PRG4: variants seen among roughly 807,000 people sequenced by gnomAD.
PRG4 encodes proteoglycan 4, also known as articular superficial zone protein.
Under a neutral mutation model 91.2 loss-of-function variants are expected in PRG4, and 61 were observed. The ratio of observed to expected loss-of-function variants is 0.67; its 90% CI spans 0.54 to 0.83. PRG4 has a LOEUF of 0.83. PRG4 is among the 40% of genes least tolerant of loss of function. The probability of loss-of-function intolerance (pLI) is 0.00; values close to 1 mark genes in which losing one functional copy is unlikely to be tolerated. For synonymous variants in PRG4, 576 were observed against 614.2 expected (o/e 0.94, Z 0.92); for missense variants, 1,564 against 1,714.2 (o/e 0.91, Z 1.55).
rs746583527 is a variant in PRG4 at position 186,310,657 on chromosome 1, A to ATTTTTTTTT, written c.3500-376_3500-368dup. Among the ~76,000 whole-genome samples the ATTTTTTTTT allele has an allele frequency of 1.5e-3, 208 of 135,834 alleles. 2 individuals are homozygous for ATTTTTTTTT. The highest frequency in any genetic ancestry group is 2.1e-3 in the Non-Finnish European group (135 of 64,098). 89.1% of individuals were successfully genotyped at this position (135,834 alleles called of 152,430 possible). ...ACCACCATGCCTGGCTAATTTTTGT[A>ATTTTTTTTT]TTTTTTTTTGTATTTTTTTTTTTTT... On this transcript the variant is annotated intron_variant, in intron 8 of 12. Coordinates refer to ENST00000445192, the MANE Select transcript of PRG4 (RefSeq NM_005807.6).
Position 186,300,205 on chromosome 1 carries a change from G to A in PRG4, c.191G>A (p.Cys64Tyr). ...TGCTGCCCTGATTTCAAGAGAGTCT[G>A]CACTGCGGGTAAGTCCTGAGAGCGG... ...MECCPDFKRV[C>Y]TAELSCKGRC... The change falls in exon 3 of 13, where the codon TGC (cysteine) becomes TAC (tyrosine). Residue 64 changes from cysteine to tyrosine, a missense_variant. Cys to Tyr is a radical substitution (Grantham distance 194). This residue lies in a region of PRG4 where 437 missense variants were observed against 459.0 expected (regional missense o/e 0.95). Coordinates refer to ENST00000445192, the MANE Select transcript of PRG4 (RefSeq NM_005807.6). 6.2e-7 allele frequency: 1 copy of A among 1,614,102 alleles called. No individual in the cohort carries two copies. The highest frequency in any genetic ancestry group is 8.5e-7 in the Non-Finnish European group (1 of 1,180,030).
In PRG4 at chr1:186,309,059, T is replaced by C; in HGVS notation, c.3340T>C (p.Phe1114Leu). ...TCATATGCTTCTCAGGCCCCATGTG[T>C]TCATGCCTGAAGTTACTCCCGACAT... ...TPHMLLRPHV[F>L]MPEVTPDMDY... The change falls in exon 7 of 13, where the codon TTC becomes CTC. Residue 1114 changes from phenylalanine (F) to leucine (L), a missense_variant. Phe to Leu is a conservative substitution (Grantham distance 22). Coordinates refer to ENST00000445192, the MANE Select transcript of PRG4 (RefSeq NM_005807.6). The C allele has an allele frequency of 6.2e-7, 1 of 1,613,996 alleles. No individual in the cohort carries two copies.
In PRG4 at chr1:186,314,138, T is replaced by G; in HGVS notation, c.*360T>G. On this transcript the variant is annotated 3_prime_UTR_variant, in exon 13 of 13. Coordinates refer to ENST00000445192, the MANE Select transcript of PRG4 (RefSeq NM_005807.6). ...TATCTAGGCATTGTGGATATAAAAC[T>G]GTTGGGTATTCTACAACTTCAATGG... The G allele has an allele frequency of 2.1e-6, 2 of 965,688 alleles. No individual in the cohort carries two copies. Among genetic ancestry groups the G allele is most frequent in the South Asian group, 3.3e-5 (2 of 61,364 alleles). 59.8% of individuals were successfully genotyped at this position (965,688 alleles called of 1,614,324 possible). A position where few individuals can be genotyped will look rare whatever the true frequency, so the allele number is the denominator to read the frequency against.
intron 1 of PRG4, 91 bp from the exon 2 acceptor site, chr1:186,296,755 A>G: frequency 1.4e-6 from 1 of 702,070 alleles, no homozygotes; most frequent in Non-Finnish European, 2.5e-6. Flanking sequence ...TTATTGTTAC[A>G]TTTTTAAAGT....
Position 186,308,986 on chromosome 1 carries a change from A to G in PRG4, c.3267A>G (p.Glu1089=). 11 of 1,609,060 alleles carry G rather than the reference A, an allele frequency of 6.8e-6. No individual in the cohort carries two copies. Among genetic ancestry groups the G allele is most frequent in the Non-Finnish European group, 9.3e-6 (11 of 1,177,358 alleles). ...AAACTCCAAACTCCAAACTAGTTGA[A>G]GTAAATCCAAAGAGTGAAGATGCAG... is the stretch of plus-strand genomic sequence containing the variant. ...PNQTPNSKLV[E]VNPKSEDAGG... is the part of the protein sequence containing the mutation. Residue 1089 remains glutamate (E), a synonymous_variant, in exon 7 of 13, where the codon GAA becomes GAG. Transcript: ENST00000445192.
In PRG4 at chr1:186,307,391, A is replaced by G. The variant is rs1216584695; in HGVS notation, c.1672A>G (p.Lys558Glu). The change falls in exon 7 of 13, where the codon AAG becomes GAG. Residue 558 changes from lysine to glutamate, a missense_variant. Lys to Glu is a moderately conservative substitution (Grantham distance 56). Coordinates refer to ENST00000445192, the MANE Select transcript of PRG4 (RefSeq NM_005807.6). ...TPKEPSPTTT[K>E]EPAPTTPKEP... ...CAAGGAGCCTTCACCCACCACCACC[A>G]AGGAGCCTGCACCCACCACTCCCAA... 3 of 1,575,326 alleles carry G rather than the reference A, an allele frequency of 1.9e-6. No homozygotes were observed. Among genetic ancestry groups the G allele is most frequent in the African/African-American group, 1.6e-5 (1 of 64,060 alleles).
In PRG4 at chr1:186,306,548, A is replaced by T. The variant is rs1656579861; in HGVS notation, c.829A>T (p.Thr277Ser). The T allele has an allele frequency of 6.2e-7, 1 of 1,613,172 alleles. No homozygotes were observed. Among genetic ancestry groups the T allele is most frequent in the African/African-American group, 1.3e-5 (1 of 74,874 alleles). ...TGATACATCTAAAGAGACGTCTTTG[A>T]CAGTGAATAAAGAGACAACAGTTGA... is the stretch of plus-strand genomic sequence containing the variant. ...NSDTSKETSL[T>S]VNKETTVETK... The change falls in exon 7 of 13, where the codon ACA becomes TCA. Residue 277 changes from threonine (T) to serine (S), a missense_variant. Coordinates refer to ENST00000445192, the MANE Select transcript of PRG4 (RefSeq NM_005807.6).
At chr1:186,300,758 G>A (rs1375842763) in intron 3 of PRG4, among the ~76,000 whole-genome samples, 1 of 152,186 alleles carries the variant, frequency 6.6e-6, no homozygotes, top group African/African-American at 2.4e-5. Context: ...AAATCTGAAG[G>A]TCTGAATTTT....
rs1402771789 is a variant in PRG4, at chr1:186,313,967, CCATT to C, written c.*190_*193del. ...ATTCACAGTTGTTATTGTTTACAGA[CCATT>C]TAATTAATATTTCCTCTGTTTATTC... On this transcript the variant is annotated 3_prime_UTR_variant, in exon 13 of 13. Coordinates refer to ENST00000445192, the MANE Select transcript of PRG4 (RefSeq NM_005807.6). 1 of 1,611,094 alleles carries C rather than the reference CCATT, an allele frequency of 6.2e-7. No individual in the cohort carries two copies. Among genetic ancestry groups the C allele is most frequent in the African/African-American group, 1.3e-5 (1 of 74,864 alleles).
At chr1:186,305,766 T>G (rs545085275) in intron 6 of PRG4, among the ~76,000 whole-genome samples, 4 of 150,626 alleles carry the variant, frequency 2.7e-5, no homozygotes, top group South Asian at 2.1e-4. Flanking sequence ...CACCCTAAGC[T>G]CCTCCTTATG....
chr1:186,304,722 G>A, intron 5 of PRG4, 72 bp from the exon 6 acceptor site: 1 of 1,533,288 alleles, frequency 6.5e-7, no homozygotes, highest in Middle Eastern at 1.8e-4. Flanking sequence ...ACTTCTTGCT[G>A]TGTTTAGACT....
In PRG4 at chr1:186,308,409, G is replaced by A; in HGVS notation, c.2690G>A (p.Gly897Asp). 6.2e-7 allele frequency: 1 copy of A among 1,613,868 alleles called. No homozygotes were observed. The highest frequency in any genetic ancestry group is 8.5e-7 in the Non-Finnish European group (1 of 1,180,022). ...KALENSPKEP[G>D]VPTTKTPAAT... ...CTTGAAAACAGTCCCAAGGAACCTG[G>A]TGTACCTACAACTAAGACTCCTGCA... is the stretch of plus-strand genomic sequence containing the variant. The change falls in exon 7 of 13, where the codon GGT becomes GAT. Residue 897 changes from glycine (G) to aspartate (D), a missense_variant. Coordinates refer to ENST00000445192, the MANE Select transcript of PRG4 (RefSeq NM_005807.6).
rs1656962665 is a variant in PRG4 at position 186,308,921 on chromosome 1, A to G, written c.3202A>G (p.Ile1068Val). 3 of 1,612,324 alleles carry G rather than the reference A, an allele frequency of 1.9e-6. No individual in the cohort carries two copies. Among genetic ancestry groups the G allele is most frequent in the Non-Finnish European group, 2.5e-6 (3 of 1,179,458 alleles). ...TMPELNPTSR[I>V]AEAMLQTTTR... is the part of the protein sequence containing the mutation. ...GCCAGAATTGAACCCTACCTCAAGAATAGCAGAAGCCATGCTCCAAACCAC... is the reference window on the plus strand; with the variant it reads ...GCCAGAATTGAACCCTACCTCAAGAGTAGCAGAAGCCATGCTCCAAACCAC... Residue 1068 changes from isoleucine (I) to valine (V), a missense_variant, in exon 7 of 13, where the codon ATA becomes GTA. Ile to Val is a conservative substitution (Grantham distance 29). Coordinates refer to ENST00000445192, the MANE Select transcript of PRG4 (RefSeq NM_005807.6).
chr1:186,306,323 G>T lies in PRG4; in HGVS notation c.604G>T (p.Asp202Tyr), dbSNP rs1315563931. Residue 202 changes from aspartate (D) to tyrosine (Y), a missense_variant, in exon 7 of 13, where the codon GAT becomes TAT. Physicochemically the swap from Asp to Tyr is radical, Grantham distance 160. Coordinates refer to ENST00000445192, the MANE Select transcript of PRG4 (RefSeq NM_005807.6). ...GATGTATATTTTTTCTCCAGTAAAA[G>T]ATAACAAGAAGAACAGAACTAAAAA... Reference protein sequence around the residue: ...RELQKKLKVKDNKKNRTKKKP... With the variant: ...RELQKKLKVKYNKKNRTKKKP... 1 of 1,582,234 alleles carries T rather than the reference G, an allele frequency of 6.3e-7. No homozygotes were observed. The highest frequency in any genetic ancestry group is 8.6e-7 in the Non-Finnish European group (1 of 1,167,544).
chr1:186,311,110 T>C lies in PRG4; in HGVS notation c.3576T>C (p.Pro1192=), dbSNP rs541755542. 5.6e-6 allele frequency: 9 copies of C among 1,613,084 alleles called. No homozygotes were observed. In the Admixed American group the frequency reaches 1.2e-4, roughly 21 times the overall value. The change falls in exon 9 of 13, where the codon CCT becomes CCC. Residue 1192 remains proline, a synonymous_variant. Coordinates refer to ENST00000445192, the MANE Select transcript of PRG4 (RefSeq NM_005807.6). ...ARRITEVWGI[P]SPIDTVFTRC... is the part of the protein sequence containing the mutation. The stretch of plus-strand genomic sequence containing the variant: ...GAATTACTGAAGTTTGGGGTATTCC[T>C]TCCCCCATTGATACTGTTTTTACTA...
chr1:186,300,356 T>C, intron 3 of PRG4, 143 bp downstream of exon 3: 3 of 1,115,804 alleles, frequency 2.7e-6, no homozygotes, highest in African/African-American at 1.5e-5. Flanking sequence ...ATCACTTCCT[T>C]TGCTTAAGTG....
intron 12 of PRG4, 87 bp from the exon 13 acceptor site, chr1:186,313,594 C>T: frequency 1.2e-6 from 1 of 809,398 alleles, no homozygotes; most frequent in Non-Finnish European, 2.2e-6. Flanking sequence ...TAAACATTGT[C>T]TTTGAGCATA....
Position 186,307,317 on chromosome 1 carries a change from C to T in PRG4, c.1598C>T (p.Thr533Ile). Residue 533 changes from threonine to isoleucine, a missense_variant, in exon 7 of 13, where the codon ACT becomes ATT. Physicochemically the swap from Thr to Ile is moderately conservative, Grantham distance 89. This residue lies in a region of PRG4 where 1,079 missense variants were observed against 1,162.2 expected (regional missense o/e 0.93). Coordinates refer to ENST00000445192, the MANE Select transcript of PRG4 (RefSeq NM_005807.6). ...APTTTKSAPT[T>I]TKEPAPTTTK... ...ACCACCACCAAGTCTGCACCCACCA[C>T]TACCAAGGAGCCTGCACCCACCACT... 1.2e-6 allele frequency: 2 copies of T among 1,603,232 alleles called. No individual in the cohort carries two copies. Among genetic ancestry groups the T allele is most frequent in the Non-Finnish European group, 1.7e-6 (2 of 1,175,624 alleles).
chr1:186,297,373 A>G (rs148393873), intron 2 of PRG4, among the ~76,000 whole-genome samples: 2 of 152,348 alleles, frequency 1.3e-5, no homozygotes, highest in East Asian at 1.9e-4. Flanking sequence ...TTATTTTGGC[A>G]TCATTTAGAC....
Sources: gnomAD v4.1 joint callset for allele counts (sites outside exome capture counted in the v4.1 genomes callset) on GRCh38, gnomAD v4.1.1 for gene constraint, gnomAD v4.1.1 regional missense constraint, MANE v1.5 for transcripts, NCBI Gene and HGNC (gene_info 2026-07-23, HGNC 2026-07-21) for gene names.